AMOTL1: variants seen among roughly 807,000 people sequenced by gnomAD.
AMOTL1 encodes the protein angiomotin like 1.
AMOTL1 carries 45 observed loss-of-function variants against 102.9 expected under a neutral mutation model. That is an observed-to-expected ratio of 0.44 (90% confidence interval 0.34 to 0.56). AMOTL1 has a LOEUF of 0.56. AMOTL1 is among the 20% of genes least tolerant of loss of function. The pLI, the probability that AMOTL1 is intolerant of heterozygous loss-of-function variation, is 0.01. For missense variants in AMOTL1, 1,114 were observed against 1,225.6 expected (o/e 0.91, Z 1.36); for synonymous variants, 481 against 484.7 (o/e 0.99, Z 0.10).
chr11:94,763,475 C>G (rs1296005424), upstream of AMOTL1, among the ~76,000 whole-genome samples: 2 of 152,118 alleles, frequency 1.3e-5, no homozygotes, highest in Non-Finnish European at 2.9e-5. Flanking sequence ...CTAGAGTTGA[C>G]CCTTGAACAA....
chr11:94,747,679 C>A (rs1950605773), intron 3 of AMOTL1, among the ~76,000 whole-genome samples: 1 of 152,194 alleles, frequency 6.6e-6, no homozygotes, highest in Admixed American at 6.5e-5. Context: ...ACAAGGAAGA[C>A]TGCGTTTCGT....
intron 3 of AMOTL1, among the ~76,000 whole-genome samples, chr11:94,803,619 A>G (rs1402492230): frequency 6.6e-6 from 1 of 152,234 alleles, no homozygotes. Flanking sequence ...AGCAAAGGCA[A>G]GCATTTGGAT....
intron 3 of AMOTL1, among the ~76,000 whole-genome samples, chr11:94,819,492 C>G (rs1289897678): frequency 1.3e-5 from 2 of 152,152 alleles, no homozygotes; most frequent in Non-Finnish European, 2.9e-5. Context: ...CTTTTACCCT[C>G]CTCTCACACG....
intron 1 of AMOTL1, among the ~76,000 whole-genome samples, chr11:94,785,870 G>C (rs1951179468): frequency 6.6e-6 from 1 of 152,074 alleles, no homozygotes; most frequent in African/African-American, 2.4e-5. Flanking sequence ...TATCCTGTTT[G>C]TTTTCCTTTG....
intron 3 of AMOTL1, among the ~76,000 whole-genome samples, chr11:94,760,690 T>G (rs986371550): frequency 6.6e-6 from 1 of 152,258 alleles, no homozygotes; most frequent in Admixed American, 6.5e-5. Flanking sequence ...AGTCCTAGTC[T>G]GCTCCTTTTT....
intron 4 of AMOTL1, among the ~76,000 whole-genome samples, chr11:94,822,464 T>A (rs887229268): frequency 6.6e-6 from 1 of 151,872 alleles, no homozygotes; most frequent in African/African-American, 2.4e-5. Context: ...AGAAATGAAG[T>A]GAGAGATACC....
intron 3 of AMOTL1, among the ~76,000 whole-genome samples, chr11:94,804,516 T>C (rs1197253436): frequency 6.6e-6 from 1 of 152,196 alleles, no homozygotes; most frequent in Non-Finnish European, 1.5e-5. Flanking sequence ...GGTCTTGAAC[T>C]CCTGGGCTCA....
upstream of AMOTL1, among the ~76,000 whole-genome samples, chr11:94,767,102 T>C (rs1950864241): frequency 6.6e-6 from 1 of 152,130 alleles, no homozygotes; most frequent in African/African-American, 2.4e-5. Context: ...CTGCAGTACT[T>C]GGATCTCCTG....
chr11:94,750,824 G>A (rs963625110), intron 3 of AMOTL1, among the ~76,000 whole-genome samples: 2 of 152,194 alleles, frequency 1.3e-5, no homozygotes, highest in South Asian at 2.1e-4. Flanking sequence ...AAATAGTTCA[G>A]CGTTGTTACA....
upstream of AMOTL1, among the ~76,000 whole-genome samples, chr11:94,763,822 G>A (rs546084990): frequency 6.6e-6 from 1 of 152,262 alleles, no homozygotes; most frequent in East Asian, 1.9e-4. Context: ...CAGAGGTGGA[G>A]GAAGATCTGT....
chr11:94,859,153 C>T (rs1413084757), intron 8 of AMOTL1, among the ~76,000 whole-genome samples: 1 of 152,206 alleles, frequency 6.6e-6, no homozygotes, highest in Non-Finnish European at 1.5e-5. Flanking sequence ...GAGGCCAAGA[C>T]TTAATTCCTA....
chr11:94,849,767 T>C (rs1351947495), intron 6 of AMOTL1, among the ~76,000 whole-genome samples: 1 of 152,098 alleles, frequency 6.6e-6, no homozygotes, highest in African/African-American at 2.4e-5. Context: ...ATTTGGAAAA[T>C]GGAAGCAGGG....
intron 3 of AMOTL1, among the ~76,000 whole-genome samples, chr11:94,811,005 T>C (rs1951672076): frequency 6.6e-6 from 1 of 152,114 alleles, no homozygotes; most frequent in South Asian, 2.1e-4. Context: ...CTAATACAAA[T>C]GTCAAACCAG....
rs144454022 is a variant in AMOTL1, at chr11:94,801,578, G to A, written c.1121+1267G>A. ...AGCCCCACGCCACAAGGAGCTCCAG[G>A]GATGCTTTCAGTAGTCCAGATCAGA... On this transcript the variant is annotated intron_variant, in intron 3 of 12. Transcript: ENST00000433060. Among the ~76,000 whole-genome samples the A allele has an allele frequency of 2.4e-4, 36 of 152,238 alleles. No homozygotes were observed. In the East Asian group the frequency reaches 5.8e-3, roughly 25 times the overall value.
At chr11:94,768,169 T>C (rs1459584182), upstream of AMOTL1, 26 of 689,402 alleles carry the variant, frequency 3.8e-5, no homozygotes, top group Admixed American at 1.6e-3. Context: ...ACACGTCAGC[T>C]TGAGCTCTGG....
intron 8 of AMOTL1, among the ~76,000 whole-genome samples, chr11:94,855,581 G>A (rs1300391313): frequency 6.6e-6 from 1 of 152,086 alleles, no homozygotes; most frequent in African/African-American, 2.4e-5. Context: ...TCGGTTCTTA[G>A]AGCACATAAA....
At chr11:94,777,745 C>T (rs1461280949) in intron 1 of AMOTL1, among the ~76,000 whole-genome samples, 1 of 152,130 alleles carries the variant, frequency 6.6e-6, no homozygotes, top group Non-Finnish European at 1.5e-5. Flanking sequence ...ATAGAAGAGA[C>T]ATTAGGGAGC....
At position 94,768,482 on chromosome 11, in the gene AMOTL1, C is replaced by T; in HGVS notation, c.-30C>T. The T allele has an allele frequency of 6.3e-7, 1 of 1,582,170 alleles. No homozygotes were observed. Among genetic ancestry groups the T allele is most frequent in the South Asian group, 1.2e-5 (1 of 86,028 alleles). ...GCTGCCCGGCAGCCGTCTTCCCCAGCCGAGGGACTGAACTAGCCATGATCG... is the reference window on the plus strand; with the variant it reads ...GCTGCCCGGCAGCCGTCTTCCCCAGTCGAGGGACTGAACTAGCCATGATCG... On this transcript the variant is annotated 5_prime_UTR_variant, in exon 1 of 13. Transcript: ENST00000433060.
intron 7 of AMOTL1, among the ~76,000 whole-genome samples, chr11:94,853,091 T>C (rs1952579591): frequency 6.6e-6 from 1 of 152,208 alleles, no homozygotes; most frequent in Admixed American, 6.5e-5. Context: ...AATAAGCATT[T>C]CTTCATGATG....
Sources: gnomAD v4.1 joint callset for allele counts (sites outside exome capture counted in the v4.1 genomes callset) on GRCh38, gnomAD v4.1.1 for gene constraint, MANE v1.5 for transcripts, NCBI Gene and HGNC (gene_info 2026-07-23, HGNC 2026-07-21) for gene names.